Variants in PHYHD1 observed in about 807,000 individuals in gnomAD.
PHYHD1 encodes the protein phytanoyl-CoA dioxygenase domain containing 1.
In PHYHD1, 42 loss-of-function variants were observed where a neutral mutation model predicts 43.6. The ratio of observed to expected loss-of-function variants is 0.96; its 90% CI spans 0.75 to 1.25. PHYHD1 has a LOEUF of 1.25. Among genes scored for constraint, PHYHD1 ranks in the 50% most tolerant of loss-of-function variants. The probability of loss-of-function intolerance (pLI) is 0.00; values close to 1 mark genes in which losing one functional copy is unlikely to be tolerated. For synonymous variants in PHYHD1, 139 were observed against 143.6 expected (o/e 0.97, Z 0.23); for missense variants, 342 against 370.8 (o/e 0.92, Z 0.64).
rs1170808670 is a variant in PHYHD1, at chr9:128,927,195, A to G, written c.191A>G (p.Gln64Arg). The G allele has an allele frequency of 7.4e-6, 12 of 1,613,840 alleles. No individual in the cohort carries two copies. Among genetic ancestry groups the G allele is most frequent in the South Asian group, 2.2e-5 (2 of 91,074 alleles). Residue 64 changes from glutamine to arginine, a missense_variant and splice_region_variant, in exon 4 of 13, where the codon CAG (glutamine) becomes CGG (arginine). Coordinates refer to ENST00000372592, the MANE Select transcript of PHYHD1 (RefSeq NM_001100876.2). ...CAGGAAGAGGAGCAGCTTCGAGCCC[A>G]GGTAGGTGTCTGGGGCACATGAGGA... ...STQEEEQLRA[Q>R]GSTDYFLSSG...
Position 128,927,118 on chromosome 9 carries a change from G to A in PHYHD1, c.114G>A (p.Glu38=). ...ECVAMQQRIG[E]IVAEMDVPLH... Reference sequence around the variant, plus strand: ...TGGCCATGCAACAAAGGATTGGCGAGATAGTGGCTGAAATGGATGTTCCTC... The same window carrying A: ...TGGCCATGCAACAAAGGATTGGCGAAATAGTGGCTGAAATGGATGTTCCTC... The change falls in exon 4 of 13, where the codon GAG becomes GAA. Residue 38 remains glutamate, a synonymous_variant. Transcript: ENST00000372592. 3.7e-6 allele frequency: 6 copies of A among 1,614,184 alleles called. No homozygotes were observed. The highest frequency in any genetic ancestry group is 5.1e-6 in the Non-Finnish European group (6 of 1,180,030).
chr9:128,933,694 G>T (rs778938400), intron 4 of PHYHD1, 88 bp from the exon 5 acceptor site: 1 of 1,394,074 alleles, frequency 7.2e-7, no homozygotes, highest in Non-Finnish European at 1.0e-6. Flanking sequence ...TGTGAGGGTG[G>T]GAAGCTTCTG....
At chr9:128,940,005 C>T (rs1046948824) in intron 9 of PHYHD1, among the ~76,000 whole-genome samples, 8 of 152,094 alleles carry the variant, frequency 5.3e-5, no homozygotes, top group East Asian at 1.9e-4. Context: ...GGCTGGGGGC[C>T]GCTTGTCCCT....
chr9:128,929,955 C>G (rs1394868130), intron 4 of PHYHD1, among the ~76,000 whole-genome samples: 3 of 150,448 alleles, frequency 2.0e-5, no homozygotes, highest in African/African-American at 7.3e-5. Flanking sequence ...TGGTGAAACC[C>G]TGTCTCTACA....
Position 128,927,024 on chromosome 9 carries a change from A to C in PHYHD1, c.34-14A>C. 6.2e-7 allele frequency: 1 copy of C among 1,614,126 alleles called. No homozygotes were observed. Among genetic ancestry groups the C allele is most frequent in the Non-Finnish European group, 8.5e-7 (1 of 1,179,990 alleles). ...TGCAGACTGGGGAAGCCTGAGTCTC[A>C]AGCCTGCCTGCAGTTCCAACAGGAT... On this transcript the variant is annotated splice_polypyrimidine_tract_variant and intron_variant, in intron 3 of 12. Transcript: ENST00000372592.
intron 3 of PHYHD1, 56 bp downstream of exon 3, chr9:128,922,412 C>T (rs775233430): frequency 2.0e-6 from 3 of 1,534,226 alleles, no homozygotes; most frequent in Non-Finnish European, 2.6e-6. Context: ...CCCTGCCGGA[C>T]CTTCAGTAGT....
Position 128,941,932 on chromosome 9 carries a change from T to C in PHYHD1, c.*219T>C. The C allele has an allele frequency of 3.2e-6, 2 of 617,126 alleles. No individual in the cohort carries two copies. Among genetic ancestry groups the C allele is most frequent in the Non-Finnish European group, 5.7e-6 (2 of 353,656 alleles). The allele number at this position is 617,126 out of a possible 1,614,324, so 38.2% of individuals were successfully genotyped here. On this transcript the variant is annotated 3_prime_UTR_variant, in exon 13 of 13. Transcript: ENST00000372592. ...TGCCCCAACATAGCCTTGAGGAGGCTTCTCAGCCACCAAAGGGTTCTGGCC... is the reference window on the plus strand; with the variant it reads ...TGCCCCAACATAGCCTTGAGGAGGCCTCTCAGCCACCAAAGGGTTCTGGCC...
chr9:128,936,703 C>A, intron 8 of PHYHD1, 58 bp downstream of exon 8: 1 of 1,513,794 alleles, frequency 6.6e-7, no homozygotes, highest in Non-Finnish European at 9.0e-7. Context: ...ACTGCTCATA[C>A]CAAGCCCTTC....
chr9:128,940,812 C>G, intron 11 of PHYHD1, 97 bp downstream of exon 11: 1 of 1,242,338 alleles, frequency 8.0e-7, no homozygotes, highest in Non-Finnish European at 1.1e-6. Flanking sequence ...TCGGGGTCAT[C>G]TGAGGGCAGT....
chr9:128,934,205 T>C lies in PHYHD1; in HGVS notation c.316+147T>C, dbSNP rs142407850. 1,332 of 807,410 alleles carry C rather than the reference T, an allele frequency of 1.6e-3. 11 individuals are homozygous for C. The African/African-American group carries it at 0.02, about 12-fold the overall frequency. 50.0% of individuals were successfully genotyped at this position (807,410 alleles called of 1,614,324 possible). On this transcript the variant is annotated intron_variant, in intron 6 of 12. Coordinates refer to ENST00000372592, the MANE Select transcript of PHYHD1 (RefSeq NM_001100876.2). ...GAGTTCAAGACCAGTCTGGCCAACA[T>C]GGTGAAACCCCATCTCTACTAAAAA...
At position 128,937,743 on chromosome 9, in the gene PHYHD1, CCT is replaced by C. The variant is rs1841460688; in HGVS notation, c.436-7_436-6del. 1.9e-6 allele frequency: 3 copies of C among 1,613,804 alleles called. No individual in the cohort carries two copies. The highest frequency in any genetic ancestry group is 1.3e-5 in the African/African-American group (1 of 74,908). ...TCTCTTCTGTCCTCACCAGGCTTTT[CCT>C]CTCTCTTGCAGCAACCTCACTTTGG... is the stretch of plus-strand genomic sequence containing the variant. On this transcript the variant is annotated splice_polypyrimidine_tract_variant and intron_variant, in intron 8 of 12. Transcript: ENST00000372592.
At chr9:128,933,426 G>A (rs970247540) in intron 4 of PHYHD1, among the ~76,000 whole-genome samples, 6 of 151,914 alleles carry the variant, frequency 3.9e-5, no homozygotes, top group East Asian at 1.9e-4. Flanking sequence ...GGTGTGAGTC[G>A]TTACTCCCAG....
chr9:128,941,722 G>A lies in PHYHD1; in HGVS notation c.*9G>A, dbSNP rs745410393. On this transcript the variant is annotated 3_prime_UTR_variant, in exon 13 of 13. Transcript: ENST00000372592. ...CCCAACTGTACACCTAAAGGCTCTC[G>A]CAGGGCAGGAGCCCTCGCCCCTCCC... 11 of 1,614,138 alleles carry A rather than the reference G, an allele frequency of 6.8e-6. No homozygotes were observed. Among genetic ancestry groups the A allele is most frequent in the Admixed American group, 3.3e-5 (2 of 60,020 alleles).
chr9:128,933,502 A>C (rs1438131569), intron 4 of PHYHD1, among the ~76,000 whole-genome samples: 1 of 152,122 alleles, frequency 6.6e-6, no homozygotes, highest in Non-Finnish European at 1.5e-5. Context: ...CAGGGGCCCA[A>C]GGCTGCTAGG....
At position 128,922,273 on chromosome 9, in the gene PHYHD1, T is replaced by A; in HGVS notation, c.-41-10T>A. 1.3e-6 allele frequency: 2 copies of A among 1,548,546 alleles called. No individual in the cohort carries two copies. Among genetic ancestry groups the A allele is most frequent in the Non-Finnish European group, 1.7e-6 (2 of 1,146,066 alleles). On this transcript the variant is annotated splice_polypyrimidine_tract_variant and intron_variant, in intron 2 of 12. Coordinates refer to ENST00000372592, the MANE Select transcript of PHYHD1 (RefSeq NM_001100876.2). ...CCTCCCAGGCTCCTAAACTTTCTCC[T>A]CCCCACCAGGAGGCCGCGCTTAGAA...
Position 128,933,788 on chromosome 9 carries a change from A to G in PHYHD1, c.199A>G (p.Thr67Ala). The change falls in exon 5 of 13, where the codon ACA becomes GCA. Residue 67 changes from threonine to alanine, a missense_variant. By Grantham distance (58) the Thr-to-Ala change is moderately conservative. Transcript: ENST00000372592. ...EEEQLRAQGS[T>A]DYFLSSGDKI... ...TGATGTCCCCTTTCCACAGGGCAGC[A>G]CAGACTATTTCTTGAGCAGTGGTGA... The G allele has an allele frequency of 6.2e-7, 1 of 1,614,150 alleles. No individual in the cohort carries two copies. Among genetic ancestry groups the G allele is most frequent in the Non-Finnish European group, 8.5e-7 (1 of 1,179,984 alleles).
chr9:128,938,185 G>A (rs376788839), intron 9 of PHYHD1, among the ~76,000 whole-genome samples: 21 of 152,214 alleles, frequency 1.4e-4, no homozygotes, highest in Middle Eastern at 3.4e-3. Flanking sequence ...TCGCACACCC[G>A]TAGTCCTAGC....
chr9:128,931,922 C>T (rs1252056378), intron 4 of PHYHD1, among the ~76,000 whole-genome samples: 1 of 151,536 alleles, frequency 6.6e-6, no homozygotes, highest in East Asian at 1.9e-4. Flanking sequence ...GCAACCTCCA[C>T]CTCCTGGGTT....
chr9:128,937,280 A>C (rs1303753099), intron 8 of PHYHD1, among the ~76,000 whole-genome samples: 2 of 152,018 alleles, frequency 1.3e-5, no homozygotes, highest in African/African-American at 4.8e-5. Flanking sequence ...AAAGAAAAAA[A>C]AATTTGGTGG....
Sources: gnomAD v4.1 joint callset for allele counts (sites outside exome capture counted in the v4.1 genomes callset) on GRCh38, gnomAD v4.1.1 for gene constraint, MANE v1.5 for transcripts, NCBI Gene and HGNC (gene_info 2026-07-23, HGNC 2026-07-21) for gene names.